SMAD3: variants seen among roughly 807,000 people sequenced by gnomAD.
The protein encoded by SMAD3 is MAD homolog 3.
Under a neutral mutation model 51.8 loss-of-function variants are expected in SMAD3, and 12 were observed. The observed-to-expected ratio is 0.23, with a 90% CI of 0.15 to 0.38. SMAD3 has a LOEUF of 0.38. Among genes scored for constraint, SMAD3 ranks in the 10% least tolerant of loss-of-function variants. The pLI, the probability that SMAD3 is intolerant of heterozygous loss-of-function variation, is 1.00. For synonymous variants in SMAD3, 238 were observed against 227.7 expected, an observed-to-expected ratio of 1.05 and a Z score of -0.41; for missense variants, 294 against 565.6, an observed-to-expected ratio of 0.52 and a Z score of 4.87.
intron 1 of SMAD3, among the ~76,000 whole-genome samples, chr15:67,074,791 G>T (rs1292625763): frequency 6.6e-6 from 1 of 152,198 alleles, no homozygotes; most frequent in African/African-American, 2.4e-5. Flanking sequence ...CCAGGTTCAA[G>T]CAGTTCTCCT....
Position 67,098,944 on chromosome 15 carries a change from A to C in SMAD3, c.206+32584A>C. ...GTCAGGCAGCCCATGGAGATGGGACAGTGTTCTGAAATGCTTCACAAATGT... is the reference window on the plus strand; with the variant it reads ...GTCAGGCAGCCCATGGAGATGGGACCGTGTTCTGAAATGCTTCACAAATGT... On this transcript the variant is annotated intron_variant, in intron 1 of 8. Coordinates refer to ENST00000327367, the MANE Select transcript of SMAD3 (RefSeq NM_005902.4). 4.3e-6 allele frequency: 3 copies of C among 702,432 alleles called. No homozygotes were observed. In the South Asian group the frequency reaches 4.4e-5, roughly 10 times the overall value. 43.5% of individuals were successfully genotyped at this position (702,432 alleles called of 1,614,324 possible). A position where few individuals can be genotyped will look rare whatever the true frequency, so the allele number is the denominator to read the frequency against.
intron 6 of SMAD3, among the ~76,000 whole-genome samples, chr15:67,182,994 A>ATATATATATATATAT (rs1430882894): frequency 1.8e-5 from 1 of 55,432 alleles, no homozygotes; most frequent in Non-Finnish European, 3.3e-5. Flanking sequence ...ATTAAAAAAA[A>ATATATATATATATAT]AAAAAAATAT....
intron 7 of SMAD3, 151 bp from the exon 8 acceptor site, chr15:67,187,214 G>A (rs1166545839): frequency 2.2e-6 from 2 of 890,424 alleles, no homozygotes; most frequent in Non-Finnish European, 3.7e-6. Context: ...TACTGAGTGT[G>A]GAGTGTGTGG....
intron 4 of SMAD3, 133 bp downstream of exon 4, chr15:67,166,986 G>A (rs1237625790): frequency 5.2e-6 from 4 of 763,948 alleles, no homozygotes; most frequent in African/African-American, 1.7e-5. Context: ...GAGCAACCGC[G>A]ATGTGCAAGG....
intron 1 of SMAD3, among the ~76,000 whole-genome samples, chr15:67,079,911 T>C (rs1960246470): frequency 6.6e-6 from 1 of 152,242 alleles, no homozygotes; most frequent in Admixed American, 6.5e-5. Flanking sequence ...GGTAAGTTGC[T>C]TTAAGTCTCA....
At chr15:67,100,196 A>AAG (rs1960719341) in intron 1 of SMAD3, among the ~76,000 whole-genome samples, 1 of 151,632 alleles carries the variant, frequency 6.6e-6, no homozygotes, top group Non-Finnish European at 1.5e-5. Flanking sequence ...AAAAAAAAAA[A>AAG]AAAAGGAATG....
chr15:67,166,418 AGG>A (rs1962590332), intron 3 of SMAD3: 1 of 418,784 alleles, frequency 2.4e-6, no homozygotes. Context: ...AGATCTTCAG[AGG>A]ACAGAAAGGG....
chr15:67,092,285 A>T (rs1960524139), intron 1 of SMAD3, among the ~76,000 whole-genome samples: 1 of 152,224 alleles, frequency 6.6e-6, no homozygotes, highest in Non-Finnish European at 1.5e-5. Flanking sequence ...TGATGCTCTA[A>T]TTTTATATTT....
chr15:67,080,819 A>T (rs1371021390), intron 1 of SMAD3, among the ~76,000 whole-genome samples: 1 of 152,186 alleles, frequency 6.6e-6, no homozygotes, highest in Non-Finnish European at 1.5e-5. Context: ...TGCAGAGAAC[A>T]TGTAAGGGCT....
chr15:67,080,943 T>G (rs1442969465), intron 1 of SMAD3, among the ~76,000 whole-genome samples: 2 of 152,124 alleles, frequency 1.3e-5, no homozygotes, highest in Admixed American at 1.3e-4. Context: ...GGGACTTGAG[T>G]TCTCTCAACT....
At chr15:67,091,406 C>G (rs1333569811) in intron 1 of SMAD3, among the ~76,000 whole-genome samples, 1 of 152,296 alleles carries the variant, frequency 6.6e-6, no homozygotes, top group East Asian at 1.9e-4. Context: ...TCCGGTGTTG[C>G]GGTGATACAT....
At chr15:67,177,413 G>A (rs1962930357) in intron 5 of SMAD3, among the ~76,000 whole-genome samples, 1 of 45,050 alleles carries the variant, frequency 2.2e-5, no homozygotes, top group Non-Finnish European at 4.5e-5. Context: ...GGCATATTTA[G>A]TGTTTTGGGT....
chr15:67,114,095 T>C (rs936161786), intron 1 of SMAD3, among the ~76,000 whole-genome samples: 1 of 152,176 alleles, frequency 6.6e-6, no homozygotes, highest in East Asian at 1.9e-4. Flanking sequence ...AGTGGAAACA[T>C]TGGGCAGGTG....
At chr15:67,174,617 A>C (rs1962840061) in intron 5 of SMAD3, 1 of 152,358 alleles carries the variant, frequency 6.6e-6, no homozygotes, top group African/African-American at 2.4e-5. Flanking sequence ...CTGAAGGGCA[A>C]GTACCAGGTG....
At chr15:67,068,969 G>C (rs549170604) in intron 1 of SMAD3, among the ~76,000 whole-genome samples, 7 of 151,858 alleles carry the variant, frequency 4.6e-5, no homozygotes, top group East Asian at 1.9e-4. Flanking sequence ...CCCCCTGTGT[G>C]TGGGGGGTTG....
At chr15:67,140,774 C>T (rs537373485) in intron 1 of SMAD3, among the ~76,000 whole-genome samples, 1 of 152,286 alleles carries the variant, frequency 6.6e-6, no homozygotes, top group East Asian at 1.9e-4. Flanking sequence ...CCTTTGGAAG[C>T]TTAGGCTAGG....
rs538720300 is a variant in SMAD3, at chr15:67,175,052, C to T, written c.658+4448C>T. Among the ~76,000 whole-genome samples the T allele has an allele frequency of 2.6e-5, 4 of 152,260 alleles. No individual in the cohort carries two copies. In the East Asian group the frequency reaches 5.8e-4, roughly 22 times the overall value. ...AGGTGATGTTCCTGTTATTACACAG[C>T]GTGCTGGGTGAGTCACCGGGAATTT... On this transcript the variant is annotated intron_variant, in intron 5 of 8. Coordinates refer to ENST00000327367, the MANE Select transcript of SMAD3 (RefSeq NM_005902.4).
In SMAD3 at chr15:67,192,781, C is replaced by T. The variant is rs886051412; in HGVS notation, c.*2245C>T. 1 of 233,092 alleles carries T rather than the reference C, an allele frequency of 4.3e-6. No homozygotes were observed. Among genetic ancestry groups the T allele is most frequent in the Non-Finnish European group, 8.5e-6 (1 of 117,940 alleles). 14.4% of individuals were successfully genotyped at this position (233,092 alleles called of 1,614,324 possible). ...TGAAGGGGGAAAAAAAAAGCCTATA[C>T]TTTGGCAGGTTATGAACTTTGAATG... On this transcript the variant is annotated 3_prime_UTR_variant, in exon 9 of 9. Transcript: ENST00000327367.
rs77710298 is a variant in SMAD3, at chr15:67,078,567, A to G, written c.206+12207A>G. On this transcript the variant is annotated intron_variant, in intron 1 of 8. Coordinates refer to ENST00000327367, the MANE Select transcript of SMAD3 (RefSeq NM_005902.4). Reference sequence around the variant, plus strand: ...GTATTCTTCATTCCTTTTATCATTGAGAGATTGGTTATTATTTACCTCGCC... The same window carrying G: ...GTATTCTTCATTCCTTTTATCATTGGGAGATTGGTTATTATTTACCTCGCC... Among the ~76,000 whole-genome samples the G allele has an allele frequency of 1.9e-3, 292 of 152,304 alleles. 1 individual carries two copies. The highest frequency in any genetic ancestry group is 6.8e-3 in the African/African-American group (284 of 41,560).
Sources: gnomAD v4.1 joint callset for allele counts (sites outside exome capture counted in the v4.1 genomes callset) on GRCh38, gnomAD v4.1.1 for gene constraint, MANE v1.5 for transcripts, NCBI Gene and HGNC (gene_info 2026-07-23, HGNC 2026-07-21) for gene names.